GSE1: variants seen among roughly 807,000 people sequenced by gnomAD.
GSE1 encodes Gse1 coiled-coil protein.
Under a neutral mutation model 112.6 loss-of-function variants are expected in GSE1, and 32 were observed. The ratio of observed to expected loss-of-function variants is 0.28; its 90% CI spans 0.21 to 0.38. The LOEUF (loss-of-function observed/expected upper bound fraction) is 0.38. GSE1 is among the 10% of genes least tolerant of loss of function. The pLI, the probability that GSE1 is intolerant of heterozygous loss-of-function variation, is 1.00. For synonymous variants in GSE1, 1,115 were observed against 735.6 expected (o/e 1.52, Z -8.35); for missense variants, 2,348 against 1,699.2 (o/e 1.38, Z -6.71).
intron 7 of GSE1, 101 bp downstream of exon 7, chr16:85,656,766 C>A: frequency 7.1e-7 from 1 of 1,413,152 alleles, no homozygotes; most frequent in Non-Finnish European, 9.3e-7. Context: ...GTAAATGTTC[C>A]CCAGCTGAGT....
rs146406568 is a variant in GSE1, at chr16:85,360,654, G to A, written c.2464+3011G>A. Among the ~76,000 whole-genome samples, 287 of 152,264 alleles carry A rather than the reference G, an allele frequency of 1.9e-3. 1 individual carries two copies. The highest frequency in any genetic ancestry group is 6.8e-3 in the African/African-American group (281 of 41,540). ...GGGCGGGTGCAGGGGGAGGGGGCAC[G>A]TCCAGACATGCAGACGCACGAGACA... On this transcript the variant is annotated intron_variant, in intron 2 of 2. Transcript: ENST00000637419.
At chr16:85,204,957 C>A (rs1156883494) in intron 1 of GSE1, among the ~76,000 whole-genome samples, 1 of 152,160 alleles carries the variant, frequency 6.6e-6, no homozygotes, top group African/African-American at 2.4e-5. Flanking sequence ...CAGGACACTC[C>A]AAAAGGGAAT....
intron 2 of GSE1, among the ~76,000 whole-genome samples, chr16:85,402,978 T>A (rs1471033868): frequency 6.6e-6 from 1 of 151,570 alleles, no homozygotes; most frequent in East Asian, 1.9e-4. Flanking sequence ...TCCCACAGCA[T>A]GTGCGGGTCA....
chr16:85,447,510 G>A (rs1208202074), intron 2 of GSE1, among the ~76,000 whole-genome samples: 3 of 152,216 alleles, frequency 2.0e-5, no homozygotes, highest in Non-Finnish European at 2.9e-5. Flanking sequence ...GGTTGGCTAC[G>A]GAGCTGGCTC....
At chr16:85,519,194 C>A (rs1435500162) in intron 2 of GSE1, among the ~76,000 whole-genome samples, 1 of 138,202 alleles carries the variant, frequency 7.2e-6, no homozygotes, top group Non-Finnish European at 1.7e-5. Context: ...TCCCCTATGA[C>A]CCTCATCATC....
At chr16:85,336,555 A>G (rs1039236447) in intron 1 of GSE1, among the ~76,000 whole-genome samples, 35 of 150,942 alleles carry the variant, frequency 2.3e-4, no homozygotes, top group African/African-American at 8.3e-4. Flanking sequence ...TCTAACACAC[A>G]CGTGTGAGCA....
chr16:85,389,443 G>C (rs2047782847), intron 2 of GSE1, among the ~76,000 whole-genome samples: 1 of 140,434 alleles, frequency 7.1e-6, no homozygotes, highest in Admixed American at 7.3e-5. Context: ...CTGGGTGACA[G>C]AGCGAGACTC....
chr16:85,249,938 C>T (rs929004460), intron 1 of GSE1, among the ~76,000 whole-genome samples: 2 of 152,226 alleles, frequency 1.3e-5, no homozygotes, highest in South Asian at 2.1e-4. Flanking sequence ...GCCAGCTGGG[C>T]GCTTCTCCAT....
intron 1 of GSE1, among the ~76,000 whole-genome samples, chr16:85,196,379 C>G (rs76263847): frequency 7.2e-5 from 11 of 152,268 alleles, no homozygotes; most frequent in Non-Finnish European, 1.6e-4. Context: ...ATCTGACTGT[C>G]AGCCCCTGGG....
chr16:85,388,319 G>A (rs369203697), intron 2 of GSE1, among the ~76,000 whole-genome samples: 39 of 62,470 alleles, frequency 6.2e-4, no homozygotes, highest in South Asian at 2.1e-3. Context: ...TGGATGGATG[G>A]ATGGATGGAT....
At chr16:85,534,218 C>G (rs573926085) in intron 2 of GSE1, among the ~76,000 whole-genome samples, 6 of 151,550 alleles carry the variant, frequency 4.0e-5, no homozygotes, top group Non-Finnish European at 7.4e-5. Context: ...ACCTCCCAGG[C>G]TCAAGCAATC....
chr16:85,632,340 T>C (rs2049607814), intron 1 of GSE1, among the ~76,000 whole-genome samples: 1 of 151,884 alleles, frequency 6.6e-6, no homozygotes, highest in Non-Finnish European at 1.5e-5. Context: ...TTCCCGCCTC[T>C]CTGTTCTCTC....
chr16:85,569,301 T>C (rs1010784840), intron 1 of GSE1, among the ~76,000 whole-genome samples: 22 of 152,132 alleles, frequency 1.4e-4, no homozygotes, highest in African/African-American at 5.1e-4. Flanking sequence ...TGCTCTTGGG[T>C]AGATAGTAAG....
chr16:85,185,184 C>T (rs982812942), intron 1 of GSE1: 3 of 152,214 alleles, frequency 2.0e-5, no homozygotes, highest in African/African-American at 7.2e-5. Flanking sequence ...TGTCTTGGCA[C>T]CTCTTTTATC....
chr16:85,368,906 C>T (rs1238907526), intron 2 of GSE1, among the ~76,000 whole-genome samples: 4 of 152,064 alleles, frequency 2.6e-5, no homozygotes, highest in Admixed American at 1.3e-4. Context: ...TGCGGGCTCC[C>T]TGAGTTGAGC....
intron 2 of GSE1, among the ~76,000 whole-genome samples, chr16:85,636,815 G>C (rs1342746730): frequency 6.6e-6 from 1 of 152,176 alleles, no homozygotes; most frequent in Non-Finnish European, 1.5e-5. Context: ...GGCGTTGGGC[G>C]CACAAAAGGG....
intron 1 of GSE1, among the ~76,000 whole-genome samples, chr16:85,209,455 C>T (rs1005413468): frequency 2.0e-5 from 3 of 152,180 alleles, no homozygotes; most frequent in African/African-American, 4.8e-5. Context: ...TTGAAGTCTT[C>T]TGCATCTCTT....
intron 2 of GSE1, among the ~76,000 whole-genome samples, chr16:85,536,221 C>T (rs1255555335): frequency 2.0e-5 from 3 of 152,250 alleles, no homozygotes; most frequent in Non-Finnish European, 4.4e-5. Flanking sequence ...TGAGTTCTCT[C>T]CGTGGGGCCT....
chr16:85,221,396 C>T (rs1448627705), intron 1 of GSE1, among the ~76,000 whole-genome samples: 1 of 152,090 alleles, frequency 6.6e-6, no homozygotes, highest in African/African-American at 2.4e-5. Flanking sequence ...CATGCATACA[C>T]ACATACCACA....
Sources: allele counts gnomAD v4.1 joint callset (sites outside exome capture counted in the v4.1 genomes callset), GRCh38; gene constraint gnomAD v4.1.1; transcripts MANE v1.5; gene names NCBI Gene and HGNC (gene_info 2026-07-23, HGNC 2026-07-21).